WRN: variants seen among roughly 807,000 people sequenced by gnomAD.
The protein encoded by WRN is bifunctional 3'-5' exonuclease/ATP-dependent helicase WRN.
WRN carries 149 observed loss-of-function variants against 180.7 expected under a neutral mutation model. That is an observed-to-expected ratio of 0.82 (90% confidence interval 0.72 to 0.94). The LOEUF (loss-of-function observed/expected upper bound fraction) is 0.94, where lower values mean the gene tolerates loss of function less well. Ranked by LOEUF, WRN falls within the 40% of genes least tolerant of loss-of-function variation. WRN has a pLI of 0.00. For synonymous variants in WRN, 548 were observed against 568.9 expected, an observed-to-expected ratio of 0.96 and a Z score of 0.52; for missense variants, 1,661 against 1,700.1, an observed-to-expected ratio of 0.98 and a Z score of 0.40.
At chr8:31,127,648 A>C (rs1012823431) in intron 23 of WRN, among the ~76,000 whole-genome samples, 1 of 152,156 alleles carries the variant, frequency 6.6e-6, no homozygotes, top group Admixed American at 6.5e-5. Flanking sequence ...GCGGTGGCTC[A>C]CACTTGTAGT....
Position 31,167,122 on chromosome 8 carries a change from C to T in WRN, c.4083C>T (p.Ser1361=), listed in dbSNP as rs1801196. 0.3 allele frequency: 476,860 copies of T among 1,612,856 alleles called. 70,978 individuals carry two copies. The highest frequency in any genetic ancestry group is 0.35 in the Middle Eastern group (2,126 of 6,058). ...AGATCCTTAAACATGGTCCTGACAG[C>T]GGACTTCAACCTTCATGTGATGTCA... is the stretch of plus-strand genomic sequence containing the variant. ...AIEILKHGPD[S]GLQPSCDVNK... Residue 1361 remains serine, a synonymous_variant, in exon 34 of 35, where the codon AGC becomes AGT. Transcript: ENST00000298139.
chr8:31,152,867 G>A (rs192095112), intron 31 of WRN, among the ~76,000 whole-genome samples: 78 of 151,974 alleles, frequency 5.1e-4, no homozygotes, highest in East Asian at 1.2e-3. Flanking sequence ...AGTGAGACCC[G>A]ACCTCTACAA....
chr8:31,096,742 C>CTTTTTTT, intron 16 of WRN, 26 bp from the exon 17 acceptor site: 1 of 1,019,008 alleles, frequency 9.8e-7, no homozygotes, highest in Admixed American at 3.0e-5. Context: ...TTTTTTTTTT[C>CTTTTTTT]TTTTTTCTTT....
rs1243471934 is a variant in WRN at position 31,161,782 on chromosome 8, T to C, written c.3982+4252T>C. 3.6e-5 allele frequency among the ~76,000 whole-genome samples: 5 copies of C among 137,166 alleles called. 1 individual carries two copies. The South Asian group carries it at 1.1e-3, about 30-fold the overall frequency. The allele number at this position is 137,166 out of a possible 152,430, so 90.0% of individuals were successfully genotyped here. ...TGAACCCAGGAGGTGGAGGTTGCAGTGAGTCAAGATTGTGCCACTGCACTT... is the reference window on the plus strand; with the variant it reads ...TGAACCCAGGAGGTGGAGGTTGCAGCGAGTCAAGATTGTGCCACTGCACTT... On this transcript the variant is annotated intron_variant, in intron 33 of 34. Coordinates refer to ENST00000298139, the MANE Select transcript of WRN (RefSeq NM_000553.6).
chr8:31,076,683 C>A (rs1392944371), intron 8 of WRN, among the ~76,000 whole-genome samples: 1 of 152,014 alleles, frequency 6.6e-6, no homozygotes. Context: ...ATAGTTTGGT[C>A]ACTTGAAATC....
intron 17 of WRN, among the ~76,000 whole-genome samples, chr8:31,097,132 T>C (rs1412199286): frequency 6.6e-6 from 1 of 152,228 alleles, no homozygotes; most frequent in Non-Finnish European, 1.5e-5. Context: ...TATCACTTTT[T>C]AAAATTTATG....
chr8:31,050,790 TTAAG>T (rs1812051566), intron 1 of WRN, among the ~76,000 whole-genome samples: 1 of 152,182 alleles, frequency 6.6e-6, no homozygotes, highest in Non-Finnish European at 1.5e-5. Flanking sequence ...AAATTATTAC[TTAAG>T]TATTGCAACT....
intron 28 of WRN, among the ~76,000 whole-genome samples, chr8:31,146,592 T>C (rs1802865009): frequency 6.6e-6 from 1 of 152,232 alleles, no homozygotes; most frequent in Non-Finnish European, 1.5e-5. Context: ...AGAATGCTTC[T>C]TGTTCTCTTC....
At chr8:31,127,464 G>A (rs999649186) in intron 23 of WRN, among the ~76,000 whole-genome samples, 6 of 152,108 alleles carry the variant, frequency 3.9e-5, no homozygotes, top group Non-Finnish European at 7.3e-5. Flanking sequence ...GGTTAGCTAC[G>A]TACCTAAGTT....
intron 28 of WRN, 89 bp downstream of exon 28, chr8:31,143,712 T>G: frequency 1.1e-6 from 1 of 926,436 alleles, no homozygotes; most frequent in Non-Finnish European, 1.7e-6. Context: ...TTGGGCTATT[T>G]CATTGGCAAA....
At chr8:31,101,099 C>T (rs547160669) in intron 18 of WRN, 144 bp downstream of exon 18, 3 of 735,862 alleles carry the variant, frequency 4.1e-6, no homozygotes, top group East Asian at 5.5e-5. Context: ...TTTAAAAATG[C>T]TAAAGTTGGT....
chr8:31,063,514 G>A (rs1488296938), intron 3 of WRN, among the ~76,000 whole-genome samples: 1 of 152,142 alleles, frequency 6.6e-6, no homozygotes, highest in Non-Finnish European at 1.5e-5. Flanking sequence ...CCTTCAACTA[G>A]ATATTGTCGT....
chr8:31,112,569 A>G (rs901803875), intron 19 of WRN, among the ~76,000 whole-genome samples: 4 of 151,918 alleles, frequency 2.6e-5, no homozygotes, highest in South Asian at 4.2e-4. Flanking sequence ...TCAAAAGCCT[A>G]TATTTTACTT....
chr8:31,129,205 C>A (rs946543493), intron 23 of WRN, among the ~76,000 whole-genome samples: 1 of 152,174 alleles, frequency 6.6e-6, no homozygotes. Flanking sequence ...GGTTTTCAAA[C>A]TCCTTGCCTC....
chr8:31,105,155 G>GA (rs1801045698), intron 18 of WRN, among the ~76,000 whole-genome samples: 1 of 152,178 alleles, frequency 6.6e-6, no homozygotes, highest in Non-Finnish European at 1.5e-5. Context: ...TATATTGAGG[G>GA]AAAATCAAAC....
chr8:31,144,892 T>C (rs1802799546), intron 28 of WRN, among the ~76,000 whole-genome samples: 1 of 152,338 alleles, frequency 6.6e-6, no homozygotes, highest in South Asian at 2.1e-4. Flanking sequence ...TAGTGGTCTT[T>C]ATAGGAGATT....
chr8:31,136,270 G>A (rs1449215437), intron 24 of WRN, among the ~76,000 whole-genome samples: 1 of 152,206 alleles, frequency 6.6e-6, no homozygotes, highest in African/African-American at 2.4e-5. Flanking sequence ...TGGCATTACA[G>A]GCATGAGCCA....
chr8:31,079,408 A>G (rs994008735), intron 8 of WRN, among the ~76,000 whole-genome samples: 5 of 152,320 alleles, frequency 3.3e-5, no homozygotes, highest in Admixed American at 3.3e-4. Context: ...CAAAATCGCT[A>G]ATGAAAGAGT....
chr8:31,079,258 A>G (rs552651474), intron 8 of WRN, among the ~76,000 whole-genome samples: 1 of 152,216 alleles, frequency 6.6e-6, no homozygotes, highest in African/African-American at 2.4e-5. Context: ...GAAATAACTC[A>G]TGAAACCACT....
Sources: gnomAD v4.1 joint callset for allele counts (sites outside exome capture counted in the v4.1 genomes callset) on GRCh38, gnomAD v4.1.1 for gene constraint, MANE v1.5 for transcripts, NCBI Gene and HGNC (gene_info 2026-07-23, HGNC 2026-07-21) for gene names.